ADGRV1: variants seen among roughly 807,000 people sequenced by gnomAD.
ADGRV1 encodes G-protein coupled receptor 98.
ADGRV1 carries 359 observed loss-of-function variants against 596.2 expected under a neutral mutation model. The observed-to-expected ratio is 0.60, with a 90% CI of 0.55 to 0.66. The LOEUF (loss-of-function observed/expected upper bound fraction) is 0.66. ADGRV1 is among the 30% of genes least tolerant of loss of function. The probability of loss-of-function intolerance (pLI) is 0.00; values close to 1 mark genes in which losing one functional copy is unlikely to be tolerated. For synonymous variants in ADGRV1, 2,681 were observed against 2,679.2 expected (o/e 1.00, Z -0.02); for missense variants, 7,274 against 7,575.6 (o/e 0.96, Z 1.48).
chr5:90,745,446 A>G lies in ADGRV1; in HGVS notation c.10770-145A>G, dbSNP rs947247351. ...ATTCTATCAAGTTTATCAGTATTAC[A>G]TGAATATTTTGGATTAAAATTTTCG... On this transcript the variant is annotated intron_variant, in intron 51 of 89. Coordinates refer to ENST00000405460, the MANE Select transcript of ADGRV1 (RefSeq NM_032119.4). The G allele has an allele frequency of 1.2e-5, 9 of 724,496 alleles. No homozygotes were observed. In the African/African-American group the frequency reaches 1.6e-4, roughly 13 times the overall value. 44.9% of individuals were successfully genotyped at this position (724,496 alleles called of 1,614,324 possible). A position where few individuals can be genotyped will look rare whatever the true frequency, so the allele number is the denominator to read the frequency against.
At chr5:90,710,959 A>G in intron 39 of ADGRV1, 22 bp from the exon 40 acceptor site, 1 of 1,418,170 alleles carries the variant, frequency 7.1e-7, no homozygotes, top group African/African-American at 1.4e-5. Context: ...GTATTTTAAG[A>G]TATGCTTCTA....
intron 70 of ADGRV1, 121 bp from the exon 71 acceptor site, chr5:90,802,618 A>T: frequency 1.3e-6 from 1 of 754,686 alleles, no homozygotes; most frequent in South Asian, 1.8e-5. Context: ...GGAAAAGTGC[A>T]TGTATTGATG....
At chr5:90,789,989 C>T in intron 69 of ADGRV1, 138 bp downstream of exon 69, 1 of 525,802 alleles carries the variant, frequency 1.9e-6, no homozygotes, top group Non-Finnish European at 3.0e-6. Flanking sequence ...GAAACAGAGG[C>T]TTTATTTAAA....
At chr5:90,849,278 A>G (rs1456275341) in intron 79 of ADGRV1, among the ~76,000 whole-genome samples, 1 of 152,198 alleles carries the variant, frequency 6.6e-6, no homozygotes, top group African/African-American at 2.4e-5. Context: ...CAAGAGGAAA[A>G]GGAAAAAATA....
intron 84 of ADGRV1, among the ~76,000 whole-genome samples, chr5:90,982,816 A>G (rs1326973781): frequency 6.6e-6 from 1 of 152,132 alleles, no homozygotes; most frequent in East Asian, 1.9e-4. Context: ...CACAGAGCAC[A>G]CTGAGCGCAC....
At chr5:90,970,562 A>AGCAATACTTGCTGTTCT (rs558401638) in intron 84 of ADGRV1, among the ~76,000 whole-genome samples, 1 of 127,232 alleles carries the variant, frequency 7.9e-6, no homozygotes, top group Non-Finnish European at 1.6e-5. Context: ...TTTGCTGTTC[A>AGCAATACTTGCTGTTCT]GCAGCCTCTG....
At chr5:91,121,579 C>T (rs1032228078) in intron 87 of ADGRV1, among the ~76,000 whole-genome samples, 2 of 151,962 alleles carry the variant, frequency 1.3e-5, no homozygotes, top group African/African-American at 4.8e-5. Context: ...AAGTCAGGAC[C>T]TGCAGTTTGG....
chr5:90,895,570 G>A (rs1289760741), intron 83 of ADGRV1, among the ~76,000 whole-genome samples: 1 of 152,166 alleles, frequency 6.6e-6, no homozygotes, highest in Non-Finnish European at 1.5e-5. Context: ...GAGGTGGGTA[G>A]GGTCTTCACA....
chr5:90,923,992 G>GGTGT (rs1774156481), intron 83 of ADGRV1, among the ~76,000 whole-genome samples: 1 of 151,678 alleles, frequency 6.6e-6, no homozygotes. Flanking sequence ...AGTATTCCAT[G>GGTGT]GTGTATATGT....
intron 83 of ADGRV1, among the ~76,000 whole-genome samples, chr5:90,926,845 A>G (rs1235818647): frequency 1.2e-4 from 18 of 151,476 alleles, no homozygotes; most frequent in African/African-American, 1.5e-4. Context: ...CTTTGTTCTC[A>G]TTGGTTTCAA....
At chr5:90,592,092 G>C (rs1431523269) in intron 1 of ADGRV1, among the ~76,000 whole-genome samples, 1 of 152,218 alleles carries the variant, frequency 6.6e-6, no homozygotes, top group Non-Finnish European at 1.5e-5. Flanking sequence ...TCTGCCATTT[G>C]ATCCAGCAGT....
chr5:90,975,400 G>A (rs573468995), intron 84 of ADGRV1, among the ~76,000 whole-genome samples: 86 of 152,204 alleles, frequency 5.7e-4, no homozygotes, highest in African/African-American at 1.8e-3. Flanking sequence ...ACACATGCAC[G>A]TGTATGTTTA....
intron 1 of ADGRV1, among the ~76,000 whole-genome samples, chr5:90,606,273 C>A (rs1018071832): frequency 2.6e-5 from 4 of 152,164 alleles, no homozygotes; most frequent in Admixed American, 2.0e-4. Flanking sequence ...CTCTTGCTTT[C>A]TTTTTCTATA....
At chr5:90,929,545 G>C (rs1775000362) in intron 83 of ADGRV1, 1 of 153,654 alleles carries the variant, frequency 6.5e-6, no homozygotes, top group Non-Finnish European at 1.4e-5. Flanking sequence ...ACTCCCTAGT[G>C]AGATGAACCC....
chr5:91,012,202 T>C (rs2151151935), intron 85 of ADGRV1, among the ~76,000 whole-genome samples: 1 of 152,088 alleles, frequency 6.6e-6, no homozygotes, highest in Admixed American at 6.6e-5. Flanking sequence ...CAAAATTTGA[T>C]TTCCCTTAAA....
At chr5:90,668,258 C>A (rs1161597039) in intron 21 of ADGRV1, among the ~76,000 whole-genome samples, 1 of 151,568 alleles carries the variant, frequency 6.6e-6, no homozygotes, top group East Asian at 1.9e-4. Flanking sequence ...TAGCAATCAG[C>A]GAGACTCCAT....
chr5:91,036,622 A>ATCC (rs1472740650), intron 85 of ADGRV1, among the ~76,000 whole-genome samples: 2 of 151,572 alleles, frequency 1.3e-5, no homozygotes, highest in Non-Finnish European at 2.9e-5. Flanking sequence ...GTTGCTAGAG[A>ATCC]GGCTGAGGCA....
intron 87 of ADGRV1, among the ~76,000 whole-genome samples, chr5:91,136,302 G>A (rs1794634377): frequency 6.6e-6 from 1 of 152,212 alleles, no homozygotes; most frequent in South Asian, 2.1e-4. Context: ...AGAGGTGCCA[G>A]TGCCTTAAGG....
At chr5:90,596,582 G>A (rs1462294411) in intron 1 of ADGRV1, among the ~76,000 whole-genome samples, 1 of 152,156 alleles carries the variant, frequency 6.6e-6, no homozygotes, top group Admixed American at 6.5e-5. Flanking sequence ...GTGGTTAGGA[G>A]CTGGAGACCA....
Sources: gnomAD v4.1 joint callset for allele counts (sites outside exome capture counted in the v4.1 genomes callset) on GRCh38, gnomAD v4.1.1 for gene constraint, MANE v1.5 for transcripts, NCBI Gene and HGNC (gene_info 2026-07-23, HGNC 2026-07-21) for gene names.